The following GRID1 variants were observed in gnomAD, a reference collection of about 807,000 sequenced individuals.
The protein encoded by GRID1 is glutamate receptor ionotropic, delta-1.
A neutral mutation model predicts 98.0 loss-of-function variants in GRID1; 28 were observed. That is an observed-to-expected ratio of 0.29 (90% CI 0.21 to 0.39). The LOEUF is 0.39. Among genes scored for constraint, GRID1 ranks in the 10% least tolerant of loss-of-function variants. GRID1 has a pLI of 1.00. For synonymous variants in GRID1, 553 were observed against 538.5 expected, an observed-to-expected ratio of 1.03 and a Z score of -0.37; for missense variants, 1,111 against 1,340.5, an observed-to-expected ratio of 0.83 and a Z score of 2.67.
chr10:86,146,021 A>G (rs974541285), intron 3 of GRID1, among the ~76,000 whole-genome samples: 1 of 152,210 alleles, frequency 6.6e-6, no homozygotes, highest in African/African-American at 2.4e-5. Context: ...AAAAAATCAG[A>G]TAGTCACTGG....
chr10:85,669,298 G>T lies in GRID1; in HGVS notation c.1998-21901C>A, dbSNP rs140956855. Reference sequence around the variant, plus strand: ...GAGGGGCCCCCATGAGCCAGGCAATGTGTAGAGCACTTTACAGAGAGCATC... The same window carrying T: ...GAGGGGCCCCCATGAGCCAGGCAATTTGTAGAGCACTTTACAGAGAGCATC... On this transcript the variant is annotated intron_variant, in intron 12 of 15. Transcript: ENST00000327946. Among the ~76,000 whole-genome samples, 13 of 152,356 alleles carry T rather than the reference G, an allele frequency of 8.5e-5. No homozygotes were observed. The East Asian group carries it at 2.3e-3, about 27-fold the overall frequency.
At chr10:86,133,754 C>T (rs1844873204) in intron 4 of GRID1, among the ~76,000 whole-genome samples, 1 of 152,210 alleles carries the variant, frequency 6.6e-6, no homozygotes, top group South Asian at 2.1e-4. Flanking sequence ...TGGTGAACAT[C>T]ACACAGTCCC....
rs565225923 is a variant in GRID1, at chr10:85,773,123, C to A, written c.1234-43509G>T. The stretch of plus-strand genomic sequence containing the variant: ...AGCAGCACATCAAAAACCTTATCCA[C>A]CATGATCAAGTGGGCTTCATCCCTG... On this transcript the variant is annotated intron_variant, in intron 8 of 15. Transcript: ENST00000327946. Among the ~76,000 whole-genome samples, 4 of 152,348 alleles carry A rather than the reference C, an allele frequency of 2.6e-5. No individual in the cohort carries two copies. The East Asian group carries it at 5.8e-4, about 22-fold the overall frequency.
chr10:86,173,611 C>G (rs1360895765), intron 3 of GRID1, among the ~76,000 whole-genome samples: 3 of 149,460 alleles, frequency 2.0e-5, no homozygotes, highest in Non-Finnish European at 4.4e-5. Context: ...TTTTAGGGTA[C>G]ATGTGCACAA....
At position 86,122,692 on chromosome 10, in the gene GRID1, A is replaced by G. The variant is rs183196392; in HGVS notation, c.726+16127T>C. ...GATTTTTTAAATTGGTCACTGAATTAAATGTGCAAATAGTGTTCCCCATTT... is the reference window on the plus strand; with the variant it reads ...GATTTTTTAAATTGGTCACTGAATTGAATGTGCAAATAGTGTTCCCCATTT... On this transcript the variant is annotated intron_variant, in intron 4 of 15. Transcript: ENST00000327946. Among the ~76,000 whole-genome samples the G allele has an allele frequency of 1.1e-4, 17 of 152,388 alleles. No homozygotes were observed. In the East Asian group the frequency reaches 2.9e-3, roughly 26 times the overall value.
At chr10:86,357,877 C>A (rs1335160736) in intron 2 of GRID1, among the ~76,000 whole-genome samples, 1 of 152,154 alleles carries the variant, frequency 6.6e-6, no homozygotes, top group Non-Finnish European at 1.5e-5. Flanking sequence ...CTCTGTGGGA[C>A]CCCGGGCGGC....
chr10:85,612,322 G>A (rs527905940), intron 15 of GRID1, among the ~76,000 whole-genome samples: 1,659 of 152,076 alleles, frequency 0.011, 26 homozygotes, highest in African/African-American at 0.038. Context: ...AGAGCCCGCC[G>A]GCTCTTACCT....
chr10:86,206,555 T>G lies in GRID1; in HGVS notation c.329A>C (p.His110Pro). 1 of 1,614,156 alleles carries G rather than the reference T, an allele frequency of 6.2e-7. No homozygotes were observed. The highest frequency in any genetic ancestry group is 8.5e-7 in the Non-Finnish European group (1 of 1,180,016). The change falls in exon 3 of 16, where the codon CAC becomes CCC. Residue 110 changes from histidine (H) to proline (P), a missense_variant. His to Pro is a moderately conservative substitution (Grantham distance 77, BLOSUM62 -2). Around this residue, in one of 3 missense-constraint regions of GRID1, gnomAD observed 346 missense variants for 452.3 expected, o/e 0.76. Transcript: ENST00000327946. This position sits in a 1 kb window ranked among gnomAD's most constrained non-coding sequence, Gnocchi z 4.1. ...NALQSLTDAM[H>P]IPHLFVQRNP... ...GCGCTGGACAAAGAGGTGTGGGATG[T>G]GCATGGCATCCGTGAGGGACTGCAG...
chr10:85,989,720 C>T (rs193033345), intron 4 of GRID1, among the ~76,000 whole-genome samples: 1 of 152,244 alleles, frequency 6.6e-6, no homozygotes, highest in African/African-American at 2.4e-5. Context: ...GAAATCTGTC[C>T]CTGGTGCCAA....
intron 8 of GRID1, among the ~76,000 whole-genome samples, chr10:85,731,513 A>T (rs972010880): frequency 6.6e-6 from 1 of 151,992 alleles, no homozygotes; most frequent in African/African-American, 2.4e-5. Flanking sequence ...TGGACCTTAA[A>T]AAATAGGCTG....
chr10:85,703,739 A>C (rs1841481011), intron 12 of GRID1, among the ~76,000 whole-genome samples: 1 of 152,144 alleles, frequency 6.6e-6, no homozygotes, highest in Non-Finnish European at 1.5e-5. Flanking sequence ...CACCATAAAA[A>C]ATTTGAAATG....
intron 8 of GRID1, among the ~76,000 whole-genome samples, chr10:85,756,274 A>G (rs1304623814): frequency 1.3e-5 from 2 of 152,152 alleles, no homozygotes; most frequent in Admixed American, 1.3e-4. Flanking sequence ...AATTTCATGG[A>G]TAGAAGATTC....
intron 2 of GRID1, among the ~76,000 whole-genome samples, chr10:86,363,221 G>A (rs1848625060): frequency 6.6e-6 from 1 of 152,260 alleles, no homozygotes; most frequent in Non-Finnish European, 1.5e-5. Flanking sequence ...CCGACCGGAG[G>A]CAGTGGCTGT....
intron 8 of GRID1, among the ~76,000 whole-genome samples, chr10:85,843,470 C>CA (rs1203151489): frequency 6.6e-6 from 1 of 151,830 alleles, no homozygotes; most frequent in Non-Finnish European, 1.5e-5. Flanking sequence ...TTTAGCTTTG[C>CA]AAAAAATCCT....
intron 4 of GRID1, among the ~76,000 whole-genome samples, chr10:85,947,996 C>T (rs545496372): frequency 6.6e-6 from 1 of 152,192 alleles, no homozygotes; most frequent in East Asian, 1.9e-4. Flanking sequence ...CAGGTTAAAG[C>T]CTACCATAGG....
chr10:85,968,217 G>A (rs527520515), intron 4 of GRID1, among the ~76,000 whole-genome samples: 17 of 152,086 alleles, frequency 1.1e-4, no homozygotes, highest in African/African-American at 3.1e-4. Flanking sequence ...TTGGGAGGCC[G>A]AGGCGGGTGG....
intron 13 of GRID1, among the ~76,000 whole-genome samples, chr10:85,645,134 A>G (rs578038149): frequency 1.3e-5 from 2 of 152,264 alleles, no homozygotes; most frequent in African/African-American, 2.4e-5. Context: ...GAACTTTAAC[A>G]AAGTCAAAAG....
At chr10:85,724,280 GAGAACTTTGCCAATGGATAAGTTCTTCC>G in intron 11 of GRID1, 44 bp downstream of exon 11, 1 of 1,207,244 alleles carries the variant, frequency 8.3e-7, no homozygotes, top group South Asian at 1.5e-5. Context: ...AAATGCACCT[GAGAACTTTGCCAATGGATAAGTTCTTCC>G]AGGCCCCTAG....
intron 12 of GRID1, among the ~76,000 whole-genome samples, chr10:85,713,725 T>C (rs1180597842): frequency 2.7e-5 from 4 of 150,484 alleles, no homozygotes; most frequent in Non-Finnish European, 5.9e-5. Flanking sequence ...TGAGATACAC[T>C]ACATTAACAA....
Sources: gnomAD v4.1 joint callset for allele counts (sites outside exome capture counted in the v4.1 genomes callset) on GRCh38, gnomAD v4.1.1 for gene constraint, gnomAD v4.1.1 regional missense constraint, Gnocchi (gnomAD v3.1) non-coding constraint, MANE v1.5 for transcripts, NCBI Gene and HGNC (gene_info 2026-07-23, HGNC 2026-07-21) for gene names.